The following FAT1 variants were observed in gnomAD, a reference collection of about 807,000 sequenced individuals.
FAT1 encodes FAT atypical cadherin 1.
FAT1 carries 171 observed loss-of-function variants against 329.8 expected under a neutral mutation model. The observed-to-expected ratio is 0.52, with a 90% CI of 0.46 to 0.59. FAT1 has a LOEUF of 0.59. FAT1 is among the 20% of genes least tolerant of loss of function. The pLI is 0.00. For missense variants in FAT1, 5,672 were observed against 5,774.4 expected (o/e 0.98, Z 0.57); for synonymous variants, 2,233 against 2,228.6 (o/e 1.00, Z -0.06).
Position 186,588,903 on chromosome 4 carries a change from A to G in FAT1, c.13456T>C (p.Leu4486=). The change falls in exon 27 of 27, where the codon TTG becomes CTG. Residue 4486 remains leucine, a synonymous_variant. Transcript: ENST00000441802. ...SSSRNRQRFN[L]NQYLPNFYPL... ...TAAAAATTGGGCAAATACTGATTCA[A>G]GTTGAACCTCTGCCGGTTTCTTGAT... 6.2e-7 allele frequency: 1 copy of G among 1,614,004 alleles called. No homozygotes were observed. The highest frequency in any genetic ancestry group is 1.1e-5 in the South Asian group (1 of 91,084).
intron 14 of FAT1, among the ~76,000 whole-genome samples, chr4:186,610,299 G>C (rs1346856058): frequency 6.6e-6 from 1 of 151,740 alleles, no homozygotes; most frequent in Non-Finnish European, 1.5e-5. Flanking sequence ...CATGATGATT[G>C]TATCATCCCT....
chr4:186,711,680 G>T (rs1382353462), intron 1 of FAT1, among the ~76,000 whole-genome samples: 1 of 152,176 alleles, frequency 6.6e-6, no homozygotes, highest in Non-Finnish European at 1.5e-5. Context: ...AACTTTGGGA[G>T]GCCAATGCAG....
Position 186,613,215 on chromosome 4 carries a change from G to A in FAT1, c.9357C>T (p.Asn3119=), listed in dbSNP as rs529893591. The part of the protein sequence containing the change: ...ASIVLTLEDV[N]DNAPEFSADP... ...CGGCAGAGAATTCGGGGGCGTTATC[G>A]TTCACATCTTCTAGCGTGAGCACAA... Residue 3119 remains asparagine, a synonymous_variant, in exon 13 of 27, where the codon AAC becomes AAT. Coordinates refer to ENST00000441802, the MANE Select transcript of FAT1 (RefSeq NM_005245.4). The A allele has an allele frequency of 8.2e-5, 133 of 1,613,894 alleles. No individual in the cohort carries two copies. In the South Asian group the frequency reaches 1.0e-3, roughly 12 times the overall value.
In FAT1 at chr4:186,701,267, G is replaced by A. The variant is rs576558621; in HGVS notation, c.3265+5296C>T. Reference sequence around the variant, plus strand: ...TTCCCCTGGTAGAAATTGTTACCACGCCCTGCTTGACTCAGAATCACACAC... The same window carrying A: ...TTCCCCTGGTAGAAATTGTTACCACACCCTGCTTGACTCAGAATCACACAC... On this transcript the variant is annotated intron_variant, in intron 2 of 26. Coordinates refer to ENST00000441802, the MANE Select transcript of FAT1 (RefSeq NM_005245.4). 9.2e-5 allele frequency among the ~76,000 whole-genome samples: 14 copies of A among 152,134 alleles called. No individual in the cohort carries two copies. In the East Asian group the frequency reaches 1.5e-3, roughly 17 times the overall value.
At chr4:186,702,823 G>C (rs1339475960) in intron 2 of FAT1, among the ~76,000 whole-genome samples, 1 of 152,206 alleles carries the variant, frequency 6.6e-6, no homozygotes, top group East Asian at 1.9e-4. Flanking sequence ...TGGATCTGAA[G>C]TAGAAGAGGG....
At chr4:186,609,769 A>G (rs2126458535) in intron 15 of FAT1, 32 bp downstream of exon 15, 1 of 1,445,978 alleles carries the variant, frequency 6.9e-7, no homozygotes, top group Non-Finnish European at 9.7e-7. Context: ...GAAGATACAC[A>G]GTTTTCACTG....
At position 186,617,097 on chromosome 4, in the gene FAT1, T is replaced by G; in HGVS notation, c.8983A>C (p.Thr2995Pro). The change falls in exon 11 of 27, where the codon ACT becomes CCT. Residue 2995 changes from threonine to proline, a missense_variant. By Grantham distance (38) the Thr-to-Pro change is conservative (BLOSUM62 -1). Transcript: ENST00000441802. ...DREKRDNYLL[T>P]ITATDGTFSS... ...AAGGTGCCATCAGTTGCCGTGATAG[T>G]AAGAAGGTAATTGTCCCTTTTTTCC... 6.2e-7 allele frequency: 1 copy of G among 1,614,018 alleles called. No homozygotes were observed. The highest frequency in any genetic ancestry group is 8.5e-7 in the Non-Finnish European group (1 of 1,179,878).
intron 2 of FAT1, among the ~76,000 whole-genome samples, chr4:186,695,760 A>AAAACAC (rs1553999117): frequency 7.1e-6 from 1 of 141,234 alleles, no homozygotes; most frequent in African/African-American, 2.7e-5. Context: ...TTATATATAA[A>AAAACAC]ACACACACAC....
chr4:186,629,081 C>G (rs1335418096), intron 7 of FAT1, among the ~76,000 whole-genome samples: 3 of 152,142 alleles, frequency 2.0e-5, no homozygotes, highest in Non-Finnish European at 2.9e-5. Flanking sequence ...GAGAAGGTAT[C>G]TGTAGGTCAC....
At chr4:186,595,296 GGTGT>G (rs34794741) in intron 26 of FAT1, among the ~76,000 whole-genome samples, 67 of 149,946 alleles carry the variant, frequency 4.5e-4, no homozygotes, top group Admixed American at 1.7e-3. Context: ...TCTTAGAGGG[GGTGT>G]GTGTGTGTGT....
In FAT1 at chr4:186,619,865, G is replaced by A. The variant is rs2126509922; in HGVS notation, c.6721C>T (p.Pro2241Ser). The A allele has an allele frequency of 1.2e-6, 2 of 1,613,996 alleles. No individual in the cohort carries two copies. Among genetic ancestry groups the A allele is most frequent in the Non-Finnish European group, 1.7e-6 (2 of 1,179,902 alleles). Residue 2241 changes from proline (P) to serine (S), a missense_variant, in exon 10 of 27, where the codon CCT becomes TCT. Physicochemically the swap from Pro to Ser is moderately conservative, Grantham distance 74. This residue lies in a region of FAT1 where 3,966 missense variants were observed against 3,915.2 expected (regional missense o/e 1.01). Transcript: ENST00000441802. ...GCCGGGTGGGCCTCAAAGTCCAGAG[G>A]AGCTATGACATTGATAACTCCAGTA... Reference protein sequence around the residue: ...FNTGVINVIAPLDFEAHPAYK... With the variant: ...FNTGVINVIASLDFEAHPAYK...
intron 2 of FAT1, among the ~76,000 whole-genome samples, chr4:186,673,727 A>G (rs1166951628): frequency 6.6e-6 from 1 of 152,242 alleles, no homozygotes; most frequent in Non-Finnish European, 1.5e-5. Context: ...AATTAAGTAC[A>G]TAATCAGATT....
rs1458337479 is a variant in FAT1, at chr4:186,628,074, C to T, written c.4810+80G>A. On this transcript the variant is annotated intron_variant, in intron 9 of 26. Coordinates refer to ENST00000441802, the MANE Select transcript of FAT1 (RefSeq NM_005245.4). ...GCAGATACATAGAAATGCTTCAATA[C>T]CCAGAACTGATTTTGGAAAAGTAGA... 6.2e-6 allele frequency: 9 copies of T among 1,460,900 alleles called. No individual in the cohort carries two copies. The Admixed American group carries it at 1.6e-4, about 26-fold the overall frequency. 90.5% of individuals were successfully genotyped at this position (1,460,900 alleles called of 1,614,324 possible).
chr4:186,614,894 T>C (rs2126480276), intron 11 of FAT1, among the ~76,000 whole-genome samples: 1 of 152,248 alleles, frequency 6.6e-6, no homozygotes, highest in Non-Finnish European at 1.5e-5. Flanking sequence ...CCCTGCGTGA[T>C]CCTGGTGCCC....
At chr4:186,703,680 A>G (rs937944333) in intron 2 of FAT1, among the ~76,000 whole-genome samples, 3 of 152,242 alleles carry the variant, frequency 2.0e-5, no homozygotes, top group African/African-American at 7.2e-5. Flanking sequence ...GGACATGGGC[A>G]ATGGGCAAGG....
intron 4 of FAT1, among the ~76,000 whole-genome samples, chr4:186,639,447 GC>G (rs1740993416): frequency 6.6e-6 from 1 of 151,998 alleles, no homozygotes; most frequent in African/African-American, 2.4e-5. Context: ...AGATCTGTTC[GC>G]CCCCTGTGTG....
chr4:186,683,072 C>G (rs1158072220), intron 2 of FAT1, among the ~76,000 whole-genome samples: 1 of 152,208 alleles, frequency 6.6e-6, no homozygotes, highest in Non-Finnish European at 1.5e-5. Context: ...ACTACCTCAT[C>G]CCAGACCTTC....
intron 3 of FAT1, among the ~76,000 whole-genome samples, chr4:186,649,043 T>C (rs1050533641): frequency 5.3e-5 from 8 of 152,220 alleles, no homozygotes; most frequent in East Asian, 1.9e-4. Context: ...TATGGACATA[T>C]AAGAAATACA....
At chr4:186,614,124 T>C (rs912672858) in intron 12 of FAT1, 67 bp downstream of exon 12, 134 of 1,377,732 alleles carry the variant, frequency 9.7e-5, no homozygotes, top group Non-Finnish European at 1.3e-4. Context: ...GTGTGTGATC[T>C]AAAATCACCC....
Sources: allele counts gnomAD v4.1 joint callset (sites outside exome capture counted in the v4.1 genomes callset), GRCh38; gene constraint gnomAD v4.1.1; regional missense constraint gnomAD v4.1.1; transcripts MANE v1.5; gene names NCBI Gene and HGNC (gene_info 2026-07-23, HGNC 2026-07-21).